STK32B: variants seen among roughly 807,000 people sequenced by gnomAD.
The protein encoded by STK32B is serine/threonine kinase 32B, also known as serine/threonine-protein kinase 32B.
Under a neutral mutation model 52.6 loss-of-function variants are expected in STK32B, and 43 were observed. That is an observed-to-expected ratio of 0.82 (90% CI 0.64 to 1.05). STK32B has a LOEUF of 1.05. Ranked by LOEUF, STK32B falls within the 50% of genes least tolerant of loss-of-function variation. The probability of loss-of-function intolerance (pLI) is 0.00; values close to 1 mark genes in which losing one functional copy is unlikely to be tolerated. For missense variants in STK32B, 621 were observed against 534.6 expected, an observed-to-expected ratio of 1.16 and a Z score of -1.59; for synonymous variants, 238 against 204.3, an observed-to-expected ratio of 1.17 and a Z score of -1.41.
chr4:5,294,468 C>T (rs571829296), intron 3 of STK32B, among the ~76,000 whole-genome samples: 3 of 152,094 alleles, frequency 2.0e-5, no homozygotes, highest in African/African-American at 7.2e-5. Flanking sequence ...GTTTATAGTT[C>T]TCCTTGAAGG....
rs575980359 is a variant in STK32B at position 5,255,771 on chromosome 4, T to C, written c.261-75449T>C. Among the ~76,000 whole-genome samples, 3 of 152,350 alleles carry C rather than the reference T, an allele frequency of 2.0e-5. No individual in the cohort carries two copies. The South Asian group carries it at 6.2e-4, about 32-fold the overall frequency. ...ACTATTGTATATAAGTTTAATCTTTTTCATTATTGCCTACTCTTCTACTAT... is the reference window on the plus strand; with the variant it reads ...ACTATTGTATATAAGTTTAATCTTTCTCATTATTGCCTACTCTTCTACTAT... On this transcript the variant is annotated intron_variant, in intron 3 of 11. Transcript: ENST00000282908.
At chr4:5,033,142 C>T in the STK32B span, among the ~76,000 whole-genome samples, 7 of 152,174 alleles carry the variant, frequency 4.6e-5, 1 homozygote, top group East Asian at 3.8e-4. Flanking sequence ...CACACACTAG[C>T]CTATAAGGGC....
intron 1 of STK32B, among the ~76,000 whole-genome samples, chr4:5,069,691 T>TGACGTACTA (rs1711636428): frequency 1.2e-4 from 18 of 152,340 alleles, no homozygotes; most frequent in Admixed American, 1.2e-3. Flanking sequence ...CTAAATGAGT[T>TGACGTACTA]AATGTACGTA....
At chr4:5,096,871 G>C (rs1713431798) in intron 1 of STK32B, among the ~76,000 whole-genome samples, 1 of 152,194 alleles carries the variant, frequency 6.6e-6, no homozygotes, top group Non-Finnish European at 1.5e-5. Context: ...TTTTAAAGGA[G>C]GAAAACACTA....
intron 11 of STK32B, among the ~76,000 whole-genome samples, chr4:5,491,547 T>C (rs1040640557): frequency 2.6e-5 from 4 of 151,914 alleles, no homozygotes; most frequent in Non-Finnish European, 5.9e-5. Flanking sequence ...ACTCTGATGG[T>C]AGTTTCTTTT....
chr4:5,268,142 G>A (rs1727171164), intron 3 of STK32B, among the ~76,000 whole-genome samples: 1 of 151,912 alleles, frequency 6.6e-6, no homozygotes, highest in Admixed American at 6.5e-5. Context: ...CATCATTTTA[G>A]AGAGAGGAAT....
Position 5,058,698 on chromosome 4 carries a change from T to C in STK32B, c.52+6783T>C, listed in dbSNP as rs7692195. Among the ~76,000 whole-genome samples, 49,803 of 152,026 alleles carry C rather than the reference T, an allele frequency of 0.33. 9,102 individuals are homozygous for C. Among genetic ancestry groups the C allele is most frequent in the African/African-American group, 0.5 (20,570 of 41,438 alleles). On this transcript the variant is annotated intron_variant, in intron 1 of 11. Transcript: ENST00000282908. This position sits in a 1 kb window ranked among gnomAD's most constrained non-coding sequence, Gnocchi z 4.8. Reference sequence around the variant, plus strand: ...CTGTGTCAGCCTACAAAGTAGACCATAGGAACACACCACCATGCCCTGCTA... The same window carrying C: ...CTGTGTCAGCCTACAAAGTAGACCACAGGAACACACCACCATGCCCTGCTA...
chr4:5,444,143 C>G (rs1253055791), intron 6 of STK32B, among the ~76,000 whole-genome samples: 16 of 151,530 alleles, frequency 1.1e-4, no homozygotes, highest in Non-Finnish European at 2.4e-4. Context: ...TTGGAGCTTC[C>G]GGGCTGCTTT....
intron 1 of STK32B, among the ~76,000 whole-genome samples, chr4:5,094,054 C>T (rs1335921368): frequency 1.3e-5 from 2 of 152,166 alleles, no homozygotes; most frequent in Non-Finnish European, 2.9e-5. Flanking sequence ...GCTACACTGG[C>T]AGGCATGAAA....
Position 5,084,971 on chromosome 4 carries a change from G to C in STK32B, c.52+33056G>C, listed in dbSNP as rs536374370. ...TCTGGCATGATTCATGACAGTAAAA[G>C]TGTCGAGAAAAGCACAAATCAGTTC... On this transcript the variant is annotated intron_variant, in intron 1 of 11. Coordinates refer to ENST00000282908, the MANE Select transcript of STK32B (RefSeq NM_018401.3). 6.1e-4 allele frequency among the ~76,000 whole-genome samples: 93 copies of C among 152,254 alleles called. 1 individual carries two copies. The highest frequency in any genetic ancestry group is 9.8e-4 in the Admixed American group (15 of 15,292).
At chr4:5,387,447 G>A (rs1479672259) in intron 4 of STK32B, among the ~76,000 whole-genome samples, 1 of 152,220 alleles carries the variant, frequency 6.6e-6, no homozygotes, top group Non-Finnish European at 1.5e-5. Context: ...GTGAGGTACA[G>A]GGAAAACTCA....
chr4:5,496,599 C>G (rs530103113), intron 11 of STK32B, among the ~76,000 whole-genome samples: 10 of 151,192 alleles, frequency 6.6e-5, no homozygotes, highest in African/African-American at 1.5e-4. Flanking sequence ...GTGAGATGAA[C>G]CCGGTACCTC....
At position 5,317,172 on chromosome 4, in the gene STK32B, CAT is replaced by C. The variant is rs1283166016; in HGVS notation, c.261-14044_261-14043del. On this transcript the variant is annotated intron_variant, in intron 3 of 11. Coordinates refer to ENST00000282908, the MANE Select transcript of STK32B (RefSeq NM_018401.3). ...TAATATACATATTACATATATATAA[CAT>C]ATAATATATATATATAACATATATA... is the stretch of plus-strand genomic sequence containing the variant. Among the ~76,000 whole-genome samples, 6 of 49,976 alleles carry C rather than the reference CAT, an allele frequency of 1.2e-4. 1 individual carries two copies. Among genetic ancestry groups the C allele is most frequent in the East Asian group, 6.5e-4 (1 of 1,548 alleles). 32.8% of individuals were successfully genotyped at this position (49,976 alleles called of 152,430 possible). A position where few individuals can be genotyped will look rare whatever the true frequency, so the allele number is the denominator to read the frequency against.
intron 7 of STK32B, among the ~76,000 whole-genome samples, chr4:5,455,588 T>G (rs1031038481): frequency 6.6e-6 from 1 of 152,122 alleles, no homozygotes; most frequent in Non-Finnish European, 1.5e-5. Context: ...GTGAGTGTTT[T>G]TTCACAGTGT....
At chr4:5,455,398 C>G (rs906309944) in intron 7 of STK32B, among the ~76,000 whole-genome samples, 2 of 152,222 alleles carry the variant, frequency 1.3e-5, no homozygotes, top group African/African-American at 4.8e-5. Context: ...TCAGTGCAAG[C>G]GGATCATGCT....
At chr4:5,407,654 G>A (rs1017221943) in intron 5 of STK32B, among the ~76,000 whole-genome samples, 2 of 152,018 alleles carry the variant, frequency 1.3e-5, no homozygotes, top group African/African-American at 4.8e-5. Context: ...GGAGTTTGGG[G>A]GGTGGGGGAG....
At chr4:5,315,830 G>C (rs922545801) in intron 3 of STK32B, among the ~76,000 whole-genome samples, 2 of 151,170 alleles carry the variant, frequency 1.3e-5, no homozygotes, top group African/African-American at 4.9e-5. Flanking sequence ...TCAGCCTCCT[G>C]AGTAGCTGGA....
In STK32B at chr4:5,499,825, A is replaced by C. The variant is rs1310405493; in HGVS notation, c.*742A>C. On this transcript the variant is annotated 3_prime_UTR_variant, in exon 12 of 12. Coordinates refer to ENST00000282908, the MANE Select transcript of STK32B (RefSeq NM_018401.3). ...GCACACAGGTGTCCATTCAGATGAGAGTTGGGTCGCTGAGCATTGGTTACT... is the reference window on the plus strand; with the variant it reads ...GCACACAGGTGTCCATTCAGATGAGCGTTGGGTCGCTGAGCATTGGTTACT... 1 of 152,292 alleles carries C rather than the reference A, an allele frequency of 6.6e-6. No homozygotes were observed. Among genetic ancestry groups the C allele is most frequent in the African/African-American group, 2.4e-5 (1 of 41,460 alleles). 9.4% of individuals were successfully genotyped at this position (152,292 alleles called of 1,614,324 possible).
intron 4 of STK32B, among the ~76,000 whole-genome samples, chr4:5,333,680 C>T (rs1281860783): frequency 6.6e-6 from 1 of 152,206 alleles, no homozygotes; most frequent in Non-Finnish European, 1.5e-5. Context: ...GATCCAGTTT[C>T]AGCTTTCTCC....
Sources: gnomAD v4.1 joint callset for allele counts (sites outside exome capture counted in the v4.1 genomes callset) on GRCh38, gnomAD v4.1.1 for gene constraint, Gnocchi (gnomAD v3.1) non-coding constraint, MANE v1.5 for transcripts, NCBI Gene and HGNC (gene_info 2026-07-23, HGNC 2026-07-21) for gene names.